Variants in TBC1D16 observed in about 807,000 individuals in gnomAD.
TBC1D16 encodes the protein TBC1 domain family member 16, also known as CTD-2529O21.1.
In TBC1D16, 58 loss-of-function variants were observed where a neutral mutation model predicts 74.7. The observed-to-expected ratio is 0.78, with a 90% CI of 0.63 to 0.97. The LOEUF is 0.97. TBC1D16 is among the 50% of genes least tolerant of loss of function. The pLI is 0.00. For synonymous variants in TBC1D16, 493 were observed against 474.7 expected (o/e 1.04, Z -0.50); for missense variants, 1,014 against 1,079.5 (o/e 0.94, Z 0.85).
Position 79,949,735 on chromosome 17 carries a change from G to GAGTAC in TBC1D16, c.1383_1387dup (p.Ser463CysfsTer12). The GAGTAC allele has an allele frequency of 1.2e-6, 2 of 1,612,588 alleles. No individual in the cohort carries two copies. The highest frequency in any genetic ancestry group is 1.7e-6 in the Non-Finnish European group (2 of 1,179,460). ...CGGTTACCTTTTCTGCTGGATCTCA[G>GAGTAC]AGTACTCCTTTCGCTTCTGCAGCCG... On this transcript the variant is annotated frameshift_variant, in exon 7 of 12. Coordinates refer to ENST00000310924, the MANE Select transcript of TBC1D16 (RefSeq NM_019020.4). LOFTEE classifies it high-confidence loss of function.
intron 3 of TBC1D16, among the ~76,000 whole-genome samples, chr17:79,966,132 C>A (rs534915245): frequency 1.3e-5 from 2 of 152,298 alleles, no homozygotes; most frequent in Non-Finnish European, 2.9e-5. Flanking sequence ...AATCTGTGGC[C>A]TTCCGTGGCT....
chr17:80,000,663 A>T lies in TBC1D16; in HGVS notation c.779+9497T>A, dbSNP rs1175824821. 6.6e-6 allele frequency among the ~76,000 whole-genome samples: 1 copy of T among 152,212 alleles called. No individual in the cohort carries two copies. Among genetic ancestry groups the T allele is most frequent in the Non-Finnish European group, 1.5e-5 (1 of 68,038 alleles). On this transcript the variant is annotated intron_variant, in intron 3 of 11. Transcript: ENST00000310924. The surrounding 1 kb of genome is among the most constrained non-coding windows in gnomAD (Gnocchi z 4.1). ...AACGGGGCTGGCAACTCAGTCAGGTACACAGTGATGATGACTGTCTATCTG... is the reference window on the plus strand; with the variant it reads ...AACGGGGCTGGCAACTCAGTCAGGTTCACAGTGATGATGACTGTCTATCTG...
rs2035478771 is a variant in TBC1D16 at position 80,001,365 on chromosome 17, G to A, written c.779+8795C>T. Among the ~76,000 whole-genome samples the A allele has an allele frequency of 6.6e-6, 1 of 152,212 alleles. No individual in the cohort carries two copies. Among genetic ancestry groups the A allele is most frequent in the South Asian group, 2.1e-4 (1 of 4,832 alleles). On this transcript the variant is annotated intron_variant, in intron 3 of 11. Transcript: ENST00000310924. This position sits in a 1 kb window ranked among gnomAD's most constrained non-coding sequence, Gnocchi z 5.8. ...GAACGACACACAGAACAGATTGCAG[G>A]GTGTCGGGCAATGGGATGTTTTAAA...
rs865945387 is a variant in TBC1D16, at chr17:79,987,025, C to A, written c.779+23135G>T. On this transcript the variant is annotated intron_variant, in intron 3 of 11. Transcript: ENST00000310924. This position sits in a 1 kb window ranked among gnomAD's most constrained non-coding sequence, Gnocchi z 5.2. ...GGGACCCTGAATTTTGAGGTGGGGC[C>A]ACAGAACCTCCCTTGAGAGCCAGAA... Among the ~76,000 whole-genome samples the A allele has an allele frequency of 3.3e-5, 5 of 152,262 alleles. No homozygotes were observed. Among genetic ancestry groups the A allele is most frequent in the Admixed American group, 1.3e-4 (2 of 15,300 alleles).
At chr17:80,024,429 TACACATCATAGACAC>T (rs2036425055) in intron 1 of TBC1D16, among the ~76,000 whole-genome samples, 1 of 110,634 alleles carries the variant, frequency 9.0e-6, no homozygotes, top group African/African-American at 3.5e-5. Context: ...ACACACACAC[TACACATCATAGACAC>T]ACACACCACA....
chr17:79,942,330 A>C, intron 10 of TBC1D16, 124 bp from the exon 11 acceptor site: 1 of 1,108,368 alleles, frequency 9.0e-7, no homozygotes, highest in Non-Finnish European at 1.3e-6. Flanking sequence ...CTCACAGCCC[A>C]GCTCGGGGGC....
In TBC1D16 at chr17:79,941,730, A is replaced by C. The variant is rs2032017204; in HGVS notation, c.2055+330T>G. Among the ~76,000 whole-genome samples, 1 of 152,146 alleles carries C rather than the reference A, an allele frequency of 6.6e-6. No individual in the cohort carries two copies. The highest frequency in any genetic ancestry group is 1.5e-5 in the Non-Finnish European group (1 of 68,026). ...TGTTCCCAGTTCTGGGTTGTAAGCGAGGTACCCCAGGGTAGGGAACCTGTC... is the reference window on the plus strand; with the variant it reads ...TGTTCCCAGTTCTGGGTTGTAAGCGCGGTACCCCAGGGTAGGGAACCTGTC... On this transcript the variant is annotated intron_variant, in intron 11 of 11. Coordinates refer to ENST00000310924, the MANE Select transcript of TBC1D16 (RefSeq NM_019020.4). The surrounding 1 kb of genome is among the most constrained non-coding windows in gnomAD (Gnocchi z 4.3).
Position 79,980,098 on chromosome 17 carries a change from C to G in TBC1D16, c.780-27280G>C, listed in dbSNP as rs1228458935. On this transcript the variant is annotated intron_variant, in intron 3 of 11. Transcript: ENST00000310924. This position sits in a 1 kb window ranked among gnomAD's most constrained non-coding sequence, Gnocchi z 7.0. Reference sequence around the variant, plus strand: ...GTGGCCGCGAGGTTCATCTGGGCCTCCGAGCCTCCCAGCGCATCCCACTGC... The same window carrying G: ...GTGGCCGCGAGGTTCATCTGGGCCTGCGAGCCTCCCAGCGCATCCCACTGC... 6.6e-6 allele frequency among the ~76,000 whole-genome samples: 1 copy of G among 152,164 alleles called. No individual in the cohort carries two copies. Among genetic ancestry groups the G allele is most frequent in the Non-Finnish European group, 1.5e-5 (1 of 68,038 alleles).
intron 3 of TBC1D16, among the ~76,000 whole-genome samples, chr17:79,963,050 CAA>C (rs563226514): frequency 5.0e-5 from 6 of 120,280 alleles, no homozygotes; most frequent in Admixed American, 8.5e-5. Flanking sequence ...AACTCCATCT[CAA>C]AAAAAAAAAA....
chr17:79,939,391 C>T lies in TBC1D16; in HGVS notation c.*1468G>A, dbSNP rs1207749984. 3.9e-5 allele frequency: 6 copies of T among 152,232 alleles called. No homozygotes were observed. Among genetic ancestry groups the T allele is most frequent in the African/African-American group, 9.6e-5 (4 of 41,456 alleles). 9.4% of individuals were successfully genotyped at this position (152,232 alleles called of 1,614,324 possible). A position where few individuals can be genotyped will look rare whatever the true frequency, so the allele number is the denominator to read the frequency against. On this transcript the variant is annotated 3_prime_UTR_variant, in exon 12 of 12. Coordinates refer to ENST00000310924, the MANE Select transcript of TBC1D16 (RefSeq NM_019020.4). ...GAGGAGGCCGGTAAGTGGTGACCTCCGCTTTCCTGCTGAGGAACACTGCTT... is the reference window on the plus strand; with the variant it reads ...GAGGAGGCCGGTAAGTGGTGACCTCTGCTTTCCTGCTGAGGAACACTGCTT...
At position 79,994,970 on chromosome 17, in the gene TBC1D16, TTTTG is replaced by T. The variant is rs2035213049; in HGVS notation, c.779+15186_779+15189del. ...GGGTAATTTACAAAAATTTTCACCT[TTTTG>T]TTTGTTTTCTTTTTGTTTTTTGACT... On this transcript the variant is annotated intron_variant, in intron 3 of 11. Transcript: ENST00000310924. This position sits in a 1 kb window ranked among gnomAD's most constrained non-coding sequence, Gnocchi z 4.6. Among the ~76,000 whole-genome samples the T allele has an allele frequency of 6.6e-6, 1 of 152,216 alleles. No individual in the cohort carries two copies. The highest frequency in any genetic ancestry group is 2.4e-5 in the African/African-American group (1 of 41,460).
Position 79,940,660 on chromosome 17 carries a change from G to C in TBC1D16, c.*199C>G, listed in dbSNP as rs1284645638. On this transcript the variant is annotated 3_prime_UTR_variant, in exon 12 of 12. Transcript: ENST00000310924. This position sits in a 1 kb window ranked among gnomAD's most constrained non-coding sequence, Gnocchi z 5.4. ...GTTTCAGGAGCTGACTTTCCTCTGG[G>C]TGGCTGTAGATCTGACTTCTGTCAC... The C allele has an allele frequency of 5.2e-6, 3 of 580,660 alleles. No individual in the cohort carries two copies. The highest frequency in any genetic ancestry group is 6.7e-5 in the East Asian group (2 of 29,794). The allele number at this position is 580,660 out of a possible 1,614,324, so 36.0% of individuals were successfully genotyped here. A position where few individuals can be genotyped will look rare whatever the true frequency, so the allele number is the denominator to read the frequency against.
chr17:80,031,395 T>C (rs1335613045), intron 1 of TBC1D16, among the ~76,000 whole-genome samples: 2 of 152,082 alleles, frequency 1.3e-5, no homozygotes, highest in African/African-American at 4.8e-5. Context: ...GGACATCAAG[T>C]TGTATTTAAA....
chr17:80,022,324 G>A (rs1041420002), intron 1 of TBC1D16, among the ~76,000 whole-genome samples: 2 of 149,510 alleles, frequency 1.3e-5, no homozygotes, highest in African/African-American at 5.1e-5. Flanking sequence ...AAGCTGGGAC[G>A]TTTATTTTTA....
chr17:80,030,299 A>G (rs925172997), intron 1 of TBC1D16, among the ~76,000 whole-genome samples: 3 of 152,086 alleles, frequency 2.0e-5, no homozygotes, highest in African/African-American at 7.2e-5. Flanking sequence ...CCCCCCACGC[A>G]GAGTGACTAC....
rs1307313900 is a variant in TBC1D16 at position 79,985,459 on chromosome 17, A to C, written c.779+24701T>G. ...AGACGTGTTTACTCACTTTTTTTGG[A>C]CAGGGAAGCTCGGCTGTGGGTGCGA... On this transcript the variant is annotated intron_variant, in intron 3 of 11. Coordinates refer to ENST00000310924, the MANE Select transcript of TBC1D16 (RefSeq NM_019020.4). This position sits in a 1 kb window ranked among gnomAD's most constrained non-coding sequence, Gnocchi z 4.9. Among the ~76,000 whole-genome samples, 1 of 152,136 alleles carries C rather than the reference A, an allele frequency of 6.6e-6. No individual in the cohort carries two copies.
intron 2 of TBC1D16, among the ~76,000 whole-genome samples, chr17:80,011,632 G>C (rs534250111): frequency 2.0e-5 from 3 of 152,066 alleles, no homozygotes; most frequent in Admixed American, 6.5e-5. Context: ...CGAGACCATC[G>C]TGGCTAACAT....
chr17:80,021,393 G>C (rs1251213217), intron 1 of TBC1D16, among the ~76,000 whole-genome samples: 1 of 149,696 alleles, frequency 6.7e-6, no homozygotes, highest in Non-Finnish European at 1.5e-5. Flanking sequence ...CCAGGACGTC[G>C]AGGCTGCATT....
intron 1 of TBC1D16, among the ~76,000 whole-genome samples, chr17:80,014,608 C>T (rs746849163): frequency 1.6e-4 from 24 of 151,988 alleles, no homozygotes; most frequent in Non-Finnish European, 2.8e-4. Flanking sequence ...GAAAGGGGAG[C>T]TGTCACCAGT....
Sources: gnomAD v4.1 joint callset for allele counts (sites outside exome capture counted in the v4.1 genomes callset) on GRCh38, gnomAD v4.1.1 for gene constraint, Gnocchi (gnomAD v3.1) non-coding constraint, MANE v1.5 for transcripts, NCBI Gene and HGNC (gene_info 2026-07-23, HGNC 2026-07-21) for gene names.